HHIPL1: variants seen among roughly 807,000 people sequenced by gnomAD.
HHIPL1 encodes the protein HHIP-like protein 1.
Under a neutral mutation model 61.8 loss-of-function variants are expected in HHIPL1, and 43 were observed. That is an observed-to-expected ratio of 0.70 (90% CI 0.55 to 0.90). The LOEUF (loss-of-function observed/expected upper bound fraction) is 0.90, where lower values mean the gene tolerates loss of function less well. Among genes scored for constraint, HHIPL1 ranks in the 40% least tolerant of loss-of-function variants. The pLI, the probability that HHIPL1 is intolerant of heterozygous loss-of-function variation, is 0.00. For synonymous variants in HHIPL1, 482 were observed against 515.8 expected (o/e 0.93, Z 0.89); for missense variants, 1,056 against 1,157.7 (o/e 0.91, Z 1.28).
intron 7 of HHIPL1, chr14:99,669,168 A>C: frequency 7.5e-7 from 1 of 1,335,512 alleles, no homozygotes; most frequent in Non-Finnish European, 9.6e-7. Context: ...TGGGAGTCTC[A>C]GGGCCAAGCC....
the HHIPL1 span, among the ~76,000 whole-genome samples, chr14:99,618,323 G>A: frequency 2.0e-5 from 3 of 152,118 alleles, no homozygotes; most frequent in East Asian, 1.9e-4. Flanking sequence ...GCTGCCTGGC[G>A]GACCCATGGA....
At chr14:99,641,095 C>T (rs2055745270), upstream of HHIPL1, among the ~76,000 whole-genome samples, 1 of 151,948 alleles carries the variant, frequency 6.6e-6, no homozygotes, top group Non-Finnish European at 1.5e-5. Context: ...CCATGTTGGC[C>T]AGGCTGGTCT....
At chr14:99,637,870 G>C in the HHIPL1 span, among the ~76,000 whole-genome samples, 1 of 152,184 alleles carries the variant, frequency 6.6e-6, no homozygotes, top group Non-Finnish European at 1.5e-5. Context: ...GAGAGGTCAA[G>C]GGCCCTGTCC....
chr14:99,642,274 C>T (rs901771145), upstream of HHIPL1, among the ~76,000 whole-genome samples: 11 of 152,082 alleles, frequency 7.2e-5, no homozygotes, highest in Admixed American at 5.2e-4. Context: ...TTTCTTCTGC[C>T]ATTTTTTTCC....
chr14:99,615,649 G>GAGAAAGAGAGAGAA, the HHIPL1 span, among the ~76,000 whole-genome samples: 2 of 149,462 alleles, frequency 1.3e-5, no homozygotes, highest in Non-Finnish European at 3.0e-5. Context: ...GAAAGGAAGA[G>GAGAAAGAGAGAGAA]AGAGAGAGAA....
Position 99,645,215 on chromosome 14 carries a change from G to A in HHIPL1, c.8G>A (p.Arg3Gln). Residue 3 changes from arginine (R) to glutamine (Q), a missense_variant, in exon 1 of 9, where the codon CGG (arginine) becomes CAG (glutamine). Arg to Gln is a conservative substitution (Grantham distance 43). Coordinates refer to ENST00000330710, the MANE Select transcript of HHIPL1 (RefSeq NM_001127258.3). ...CCCCCGCGGGGCGTAGCGATGGCCC[G>A]GGCCAGGGCCGGGGCGCTGCTGGCG... MA[R>Q]ARAGALLALW... is the part of the protein sequence containing the mutation. 1 of 1,292,014 alleles carries A rather than the reference G, an allele frequency of 7.7e-7. No homozygotes were observed. Among genetic ancestry groups the A allele is most frequent in the Non-Finnish European group, 9.8e-7 (1 of 1,020,766 alleles). 80.0% of individuals were successfully genotyped at this position (1,292,014 alleles called of 1,614,324 possible).
At chr14:99,616,658 T>C in the HHIPL1 span, among the ~76,000 whole-genome samples, 2 of 152,184 alleles carry the variant, frequency 1.3e-5, no homozygotes, top group East Asian at 1.9e-4. Context: ...AGGGACTTTT[T>C]TGGTTTTTTT....
Position 99,677,736 on chromosome 14 carries a change from C to T in HHIPL1, c.*2110C>T, listed in dbSNP as rs1029987942. 6.6e-5 allele frequency: 10 copies of T among 152,258 alleles called. No individual in the cohort carries two copies. The highest frequency in any genetic ancestry group is 2.4e-4 in the African/African-American group (10 of 41,452). 9.4% of individuals were successfully genotyped at this position (152,258 alleles called of 1,614,324 possible). ...GCCTGGCCCCAGAAGCTGTTTTGCTCAGAGCTGGATTAGGAGGGTTGGCAA... is the reference window on the plus strand; with the variant it reads ...GCCTGGCCCCAGAAGCTGTTTTGCTTAGAGCTGGATTAGGAGGGTTGGCAA... On this transcript the variant is annotated 3_prime_UTR_variant, in exon 9 of 9. Transcript: ENST00000330710. The surrounding 1 kb of genome is among the most constrained non-coding windows in gnomAD (Gnocchi z 4.3).
At chr14:99,665,803 A>T (rs984346834) in intron 6 of HHIPL1, among the ~76,000 whole-genome samples, 4 of 151,842 alleles carry the variant, frequency 2.6e-5, no homozygotes, top group African/African-American at 9.7e-5. Context: ...TTGTTTTGAG[A>T]CAGGGTCTCG....
At chr14:99,635,082 TG>T in the HHIPL1 span, among the ~76,000 whole-genome samples, 1 of 150,800 alleles carries the variant, frequency 6.6e-6, no homozygotes, top group East Asian at 2.0e-4. Flanking sequence ...AAGGATCTAG[TG>T]GGTTTGGGGT....
chr14:99,659,924 CG>C (rs1482891330), intron 4 of HHIPL1, among the ~76,000 whole-genome samples, 168 bp downstream of exon 4: 7 of 149,236 alleles, frequency 4.7e-5, no homozygotes, highest in Non-Finnish European at 1.0e-4. Flanking sequence ...GGGCCTCACT[CG>C]GGGACCACCC....
chr14:99,650,494 G>A (rs2055910206), intron 1 of HHIPL1, among the ~76,000 whole-genome samples: 1 of 152,228 alleles, frequency 6.6e-6, no homozygotes, highest in African/African-American at 2.4e-5. Flanking sequence ...GGAGCTGTAG[G>A]GGTAGGGTGC....
chr14:99,653,540 G>A (rs534678293), intron 2 of HHIPL1, among the ~76,000 whole-genome samples: 19 of 152,180 alleles, frequency 1.2e-4, no homozygotes, highest in East Asian at 1.9e-4. Context: ...ACTGTGTTGC[G>A]CAGGCTGGTC....
In HHIPL1 at chr14:99,668,794, T is replaced by A. The variant is rs747089896; in HGVS notation, c.1730+491T>A. 3 of 1,609,246 alleles carry A rather than the reference T, an allele frequency of 1.9e-6. No homozygotes were observed. Among genetic ancestry groups the A allele is most frequent in the Non-Finnish European group, 2.5e-6 (3 of 1,179,390 alleles). ...TCCACTGGGGAAAACACATTGGGGC[T>A]CCCTTCGCCGGCTCCATCTCCCCGG... On this transcript the variant is annotated intron_variant, in intron 7 of 8. Coordinates refer to ENST00000330710, the MANE Select transcript of HHIPL1 (RefSeq NM_001127258.3). The surrounding 1 kb of genome is among the most constrained non-coding windows in gnomAD (Gnocchi z 4.7).
At position 99,675,198 on chromosome 14, in the gene HHIPL1, C is replaced by T; in HGVS notation, c.1921C>T (p.Pro641Ser). The change falls in exon 9 of 9, where the codon CCA (proline) becomes TCA (serine). Residue 641 changes from proline to serine, a missense_variant. Pro to Ser is a moderately conservative substitution (Grantham distance 74). Transcript: ENST00000330710. This position sits in a 1 kb window ranked among gnomAD's most constrained non-coding sequence, Gnocchi z 5.4. ...CGCTCCCCCCGCGCCAACCCCGCGG[C>T]CAGCGCGGCCCACCCAGCAGCCAGG... The part of the protein sequence containing the change: ...TAAPPAPTPR[P>S]ARPTQQPGSR... 1.7e-6 allele frequency: 2 copies of T among 1,152,968 alleles called. No individual in the cohort carries two copies. The highest frequency in any genetic ancestry group is 4.2e-5 in the South Asian group (1 of 23,550). The allele number at this position is 1,152,968 out of a possible 1,614,324, so 71.4% of individuals were successfully genotyped here.
In HHIPL1 at chr14:99,660,257, C is replaced by G. The variant is rs1233599308; in HGVS notation, c.1376-23C>G. 1.2e-6 allele frequency: 2 copies of G among 1,613,874 alleles called. No homozygotes were observed. The highest frequency in any genetic ancestry group is 2.7e-5 in the African/African-American group (2 of 75,050). On this transcript the variant is annotated intron_variant, in intron 4 of 8. Transcript: ENST00000330710. The surrounding 1 kb of genome is among the most constrained non-coding windows in gnomAD (Gnocchi z 4.9). ...CCTTCCCGCCGCTGGCTCACCGAAG[C>G]TTCTCTCCCTCCCACCCCGCAGATG...
At chr14:99,650,973 G>C (rs2055919709) in intron 1 of HHIPL1, among the ~76,000 whole-genome samples, 1 of 152,094 alleles carries the variant, frequency 6.6e-6, no homozygotes, top group Non-Finnish European at 1.5e-5. Context: ...ACCTGGCTGG[G>C]TGCAGTTGCT....
chr14:99,667,926 G>A (rs777719589), intron 6 of HHIPL1, among the ~76,000 whole-genome samples: 1 of 152,158 alleles, frequency 6.6e-6, no homozygotes, highest in African/African-American at 2.4e-5. Flanking sequence ...CAGGGGTGGC[G>A]CTGGGTCACC....
intron 6 of HHIPL1, among the ~76,000 whole-genome samples, chr14:99,666,623 G>A (rs563882179): frequency 1.3e-5 from 2 of 152,236 alleles, no homozygotes; most frequent in Non-Finnish European, 2.9e-5. Context: ...GGTTGGAACA[G>A]AGGAGACCAG....
Sources: gnomAD v4.1 joint callset for allele counts (sites outside exome capture counted in the v4.1 genomes callset) on GRCh38, gnomAD v4.1.1 for gene constraint, Gnocchi (gnomAD v3.1) non-coding constraint, MANE v1.5 for transcripts, NCBI Gene and HGNC (gene_info 2026-07-23, HGNC 2026-07-21) for gene names.